MEI4: variants seen among roughly 807,000 people sequenced by gnomAD.
MEI4 encodes the protein meiotic double-stranded break formation protein 4.
Under a neutral mutation model 31.4 loss-of-function variants are expected in MEI4, and 27 were observed. The observed-to-expected ratio is 0.86, with a 90% CI of 0.63 to 1.19. MEI4 has a LOEUF of 1.19. Ranked by LOEUF, MEI4 falls within the 50% of genes most tolerant of loss-of-function variation. The probability of loss-of-function intolerance (pLI) is 0.00; values close to 1 mark genes in which losing one functional copy is unlikely to be tolerated. For synonymous variants in MEI4, 122 were observed against 145.4 expected (o/e 0.84, Z 1.16); for missense variants, 329 against 398.9 (o/e 0.82, Z 1.49).
At chr6:77,885,463 A>G (rs1276037142) in intron 4 of MEI4, among the ~76,000 whole-genome samples, 2 of 152,094 alleles carry the variant, frequency 1.3e-5, no homozygotes, top group East Asian at 3.9e-4. Flanking sequence ...AAGTGCTGAG[A>G]TTATAGGTAT....
intron 4 of MEI4, among the ~76,000 whole-genome samples, chr6:77,832,003 A>G (rs1056640633): frequency 6.6e-6 from 1 of 152,082 alleles, no homozygotes; most frequent in Non-Finnish European, 1.5e-5. Flanking sequence ...TACGCATTGT[A>G]TACATGTATG....
intron 3 of MEI4, among the ~76,000 whole-genome samples, chr6:77,785,450 G>C (rs554616286): frequency 1.3e-5 from 2 of 152,084 alleles, no homozygotes; most frequent in Non-Finnish European, 2.9e-5. Flanking sequence ...GAAAGTCATA[G>C]CAGAAAGAAT....
chr6:77,699,771 TTC>T (rs1355352032), intron 2 of MEI4, among the ~76,000 whole-genome samples: 1 of 152,176 alleles, frequency 6.6e-6, no homozygotes, highest in Non-Finnish European at 1.5e-5. Flanking sequence ...TGGATGTCGT[TTC>T]TGTCTGTTAG....
rs1766791593 is a variant in MEI4, at chr6:77,924,293, AATGTCGT to A, written c.*948_*954del. On this transcript the variant is annotated 3_prime_UTR_variant, in exon 5 of 5. Coordinates refer to ENST00000684080, the MANE Select transcript of MEI4 (RefSeq NM_001322247.2). The stretch of plus-strand genomic sequence containing the variant: ...TTTCATAAGTTAATTAGCATTCCTA[AATGTCGT>A]TGGCATTAAAAGTAATCTTGATAAT... 1 of 151,860 alleles carries A rather than the reference AATGTCGT, an allele frequency of 6.6e-6. No individual in the cohort carries two copies. Among genetic ancestry groups the A allele is most frequent in the South Asian group, 2.1e-4 (1 of 4,826 alleles). The allele number at this position is 151,860 out of a possible 1,614,324, so 9.4% of individuals were successfully genotyped here. A position where few individuals can be genotyped will look rare whatever the true frequency, so the allele number is the denominator to read the frequency against.
chr6:77,695,989 A>G (rs1766025781), intron 2 of MEI4, among the ~76,000 whole-genome samples: 1 of 152,028 alleles, frequency 6.6e-6, no homozygotes, highest in African/African-American at 2.4e-5. Flanking sequence ...CATCCCTTGT[A>G]ATTTGGATTC....
At chr6:77,673,183 T>C (rs1361616601) in intron 1 of MEI4, among the ~76,000 whole-genome samples, 2 of 152,168 alleles carry the variant, frequency 1.3e-5, no homozygotes, top group African/African-American at 2.4e-5. Flanking sequence ...GACCTTAAAA[T>C]GAAGCATTAA....
chr6:77,826,184 C>G (rs1047048353), intron 3 of MEI4, among the ~76,000 whole-genome samples: 3 of 152,148 alleles, frequency 2.0e-5, no homozygotes, highest in African/African-American at 7.2e-5. Flanking sequence ...TATATAGCAC[C>G]TCTTTCAAAT....
intron 2 of MEI4, among the ~76,000 whole-genome samples, chr6:77,733,735 G>GA (rs1303045386): frequency 6.6e-6 from 1 of 151,884 alleles, no homozygotes; most frequent in Non-Finnish European, 1.5e-5. Context: ...GTCAATTCTG[G>GA]ATCTTTTCTG....
intron 1 of MEI4, among the ~76,000 whole-genome samples, chr6:77,667,508 G>A (rs1194187877): frequency 6.6e-6 from 1 of 152,066 alleles, no homozygotes; most frequent in African/African-American, 2.4e-5. Context: ...TTTATCATTT[G>A]GCATTCATAT....
At chr6:77,766,297 A>G (rs1768172707) in intron 3 of MEI4, among the ~76,000 whole-genome samples, 1 of 152,124 alleles carries the variant, frequency 6.6e-6, no homozygotes, top group Non-Finnish European at 1.5e-5. Flanking sequence ...TAGCATTTTG[A>G]AGTTGGTGAT....
chr6:77,877,088 T>G (rs1771359517), intron 4 of MEI4, among the ~76,000 whole-genome samples: 2 of 151,956 alleles, frequency 1.3e-5, no homozygotes, highest in African/African-American at 4.8e-5. Context: ...AAAAATGGAG[T>G]TTAAAATTCA....
chr6:77,711,493 T>C (rs1288174038), intron 2 of MEI4, among the ~76,000 whole-genome samples: 4 of 152,090 alleles, frequency 2.6e-5, no homozygotes, highest in Non-Finnish European at 5.9e-5. Context: ...ATGGACCTTT[T>C]TGGGGATGCA....
intron 3 of MEI4, among the ~76,000 whole-genome samples, chr6:77,810,337 C>A (rs1169278575): frequency 2.0e-5 from 3 of 152,030 alleles, no homozygotes; most frequent in Non-Finnish European, 4.4e-5. Context: ...TTATCTCTGG[C>A]CTTGGGATAG....
Position 77,926,822 on chromosome 6 carries a change from A to G in MEI4, c.*3476A>G, listed in dbSNP as rs1766855261. The G allele has an allele frequency of 6.6e-6, 1 of 151,926 alleles. No homozygotes were observed. Among genetic ancestry groups the G allele is most frequent in the Admixed American group, 6.6e-5 (1 of 15,190 alleles). The allele number at this position is 151,926 out of a possible 1,614,324, so 9.4% of individuals were successfully genotyped here. ...TCAATATAATGACCCAACTACATCA[A>G]TATTTGCTGAAGGAGATAATTAACT... is the stretch of plus-strand genomic sequence containing the variant. On this transcript the variant is annotated 3_prime_UTR_variant, in exon 5 of 5. Transcript: ENST00000684080.
chr6:77,841,331 A>ATTTTTTTT (rs1562008564), intron 4 of MEI4, among the ~76,000 whole-genome samples: 29 of 35,442 alleles, frequency 8.2e-4, no homozygotes, highest in African/African-American at 4.5e-3. Context: ...ATATATATAT[A>ATTTTTTTT]TATTTTTTTT....
chr6:77,771,592 G>A (rs1247363541), intron 3 of MEI4, among the ~76,000 whole-genome samples: 1 of 152,064 alleles, frequency 6.6e-6, no homozygotes, highest in African/African-American at 2.4e-5. Flanking sequence ...ATACACTGTG[G>A]AATACTATGC....
At chr6:77,836,899 T>C (rs1439408456) in intron 4 of MEI4, among the ~76,000 whole-genome samples, 1 of 152,146 alleles carries the variant, frequency 6.6e-6, no homozygotes, top group Non-Finnish European at 1.5e-5. Context: ...ATGAACTTTT[T>C]TTATTTAATC....
At chr6:77,702,102 A>G (rs778548902) in intron 2 of MEI4, among the ~76,000 whole-genome samples, 20 of 152,116 alleles carry the variant, frequency 1.3e-4, no homozygotes, top group Non-Finnish European at 2.8e-4. Flanking sequence ...AGTGGTGACA[A>G]GAGAACAGAA....
intron 2 of MEI4, among the ~76,000 whole-genome samples, chr6:77,729,857 T>C (rs1231420806): frequency 6.6e-6 from 1 of 152,168 alleles, no homozygotes; most frequent in African/African-American, 2.4e-5. Flanking sequence ...GTAAAAGGTA[T>C]CAGTGCATCT....
Sources: gnomAD v4.1 joint callset for allele counts (sites outside exome capture counted in the v4.1 genomes callset) on GRCh38, gnomAD v4.1.1 for gene constraint, MANE v1.5 for transcripts, NCBI Gene and HGNC (gene_info 2026-07-23, HGNC 2026-07-21) for gene names.